The following MARCHF1 variants were observed in gnomAD, a reference collection of about 807,000 sequenced individuals.
MARCHF1 encodes E3 ubiquitin-protein ligase MARCHF1.
A neutral mutation model predicts 54.2 loss-of-function variants in MARCHF1; 40 were observed. The ratio of observed to expected loss-of-function variants is 0.74; its 90% CI spans 0.57 to 0.96. The LOEUF (loss-of-function observed/expected upper bound fraction) is 0.96, where lower values mean the gene tolerates loss of function less well. MARCHF1 is among the 40% of genes least tolerant of loss of function. MARCHF1 has a pLI of 0.00. For synonymous variants in MARCHF1, 236 were observed against 236.3 expected (o/e 1.00, Z 0.01); for missense variants, 586 against 656.5 (o/e 0.89, Z 1.17).
intron 1 of MARCHF1, among the ~76,000 whole-genome samples, chr4:164,301,734 A>G (rs1734566487): frequency 6.6e-6 from 1 of 152,352 alleles, no homozygotes; most frequent in African/African-American, 2.4e-5. Context: ...AAGAATGTCA[A>G]TGGTTCATAT....
intron 1 of MARCHF1, among the ~76,000 whole-genome samples, chr4:164,299,934 T>C (rs1176426784): frequency 6.6e-6 from 1 of 152,190 alleles, no homozygotes; most frequent in South Asian, 2.1e-4. Context: ...ATATTTCAAT[T>C]TGTGGTAGAA....
intron 2 of MARCHF1, among the ~76,000 whole-genome samples, chr4:164,109,882 T>C (rs1755794328): frequency 8.7e-6 from 1 of 114,420 alleles, no homozygotes. Flanking sequence ...TGACAAACCT[T>C]CACACATACC....
chr4:163,607,146 T>C (rs997585411), intron 7 of MARCHF1, among the ~76,000 whole-genome samples: 9 of 152,132 alleles, frequency 5.9e-5, no homozygotes, highest in Non-Finnish European at 1.3e-4. Flanking sequence ...CTGTATACTT[T>C]GTTTTACTGT....
At chr4:163,802,303 T>A (rs1748104079) in intron 4 of MARCHF1, among the ~76,000 whole-genome samples, 1 of 152,160 alleles carries the variant, frequency 6.6e-6, no homozygotes, top group African/African-American at 2.4e-5. Flanking sequence ...TGGGCCTATA[T>A]ATTTTTTCAC....
chr4:164,112,897 GT>G (rs1318801052), intron 1 of MARCHF1, among the ~76,000 whole-genome samples: 2 of 147,758 alleles, frequency 1.4e-5, no homozygotes, highest in Non-Finnish European at 3.0e-5. Context: ...CACTTTCGCT[GT>G]TTTTTAATAA....
At chr4:164,125,327 T>A (rs1202538494) in intron 1 of MARCHF1, among the ~76,000 whole-genome samples, 1 of 152,138 alleles carries the variant, frequency 6.6e-6, no homozygotes, top group African/African-American at 2.4e-5. Flanking sequence ...AATGAATAAA[T>A]ACTTAACATA....
intron 3 of MARCHF1, among the ~76,000 whole-genome samples, chr4:163,859,365 C>CTT (rs34227596): frequency 1.6e-4 from 21 of 130,178 alleles, no homozygotes; most frequent in African/African-American, 3.4e-4. Context: ...GAGAGAAAAG[C>CTT]TTTTTTTTTT....
chr4:163,942,588 C>T (rs1751934670), intron 3 of MARCHF1, among the ~76,000 whole-genome samples: 1 of 152,106 alleles, frequency 6.6e-6, no homozygotes. Flanking sequence ...TGCCTAATTT[C>T]CATATATAAT....
At chr4:164,160,600 T>C (rs763079623) in intron 1 of MARCHF1, among the ~76,000 whole-genome samples, 1 of 152,192 alleles carries the variant, frequency 6.6e-6, no homozygotes, top group Non-Finnish European at 1.5e-5. Context: ...AAAATATCCA[T>C]TATCAGAAAA....
intron 5 of MARCHF1, among the ~76,000 whole-genome samples, chr4:163,625,111 T>A (rs1225470563): frequency 6.6e-6 from 1 of 152,254 alleles, no homozygotes; most frequent in African/African-American, 2.4e-5. Context: ...TAGCTCATTT[T>A]ATATTCCCAA....
At chr4:164,279,271 G>A (rs552732247) in intron 1 of MARCHF1, among the ~76,000 whole-genome samples, 31 of 151,516 alleles carry the variant, frequency 2.0e-4, no homozygotes, top group African/African-American at 7.2e-4. Flanking sequence ...CAGATTATAT[G>A]GAGGATTTTT....
chr4:163,701,592 T>C (rs1744810683), intron 4 of MARCHF1, among the ~76,000 whole-genome samples: 1 of 152,160 alleles, frequency 6.6e-6, no homozygotes, highest in Non-Finnish European at 1.5e-5. Context: ...AGACATTGTG[T>C]TCCTGAAAAT....
intron 3 of MARCHF1, among the ~76,000 whole-genome samples, chr4:163,921,757 GTGT>G (rs1751435444): frequency 6.6e-6 from 1 of 152,192 alleles, no homozygotes; most frequent in South Asian, 2.1e-4. Flanking sequence ...GGATGAAAAA[GTGT>G]TGTTTCTTTT....
At chr4:163,892,104 C>T (rs1025005027) in intron 3 of MARCHF1, among the ~76,000 whole-genome samples, 3 of 151,932 alleles carry the variant, frequency 2.0e-5, no homozygotes, top group African/African-American at 7.3e-5. Context: ...ATAATTATGT[C>T]CAAATAGCTT....
At chr4:164,119,274 A>T (rs1756012193) in intron 1 of MARCHF1, among the ~76,000 whole-genome samples, 1 of 151,664 alleles carries the variant, frequency 6.6e-6, no homozygotes, top group African/African-American at 2.4e-5. Flanking sequence ...TGAAGGGATA[A>T]TTAAAATCAA....
rs370723087 is a variant in MARCHF1 at position 164,342,126 on chromosome 4, G to A, written c.-323+41744C>T. Among the ~76,000 whole-genome samples, 4 of 152,144 alleles carry A rather than the reference G, an allele frequency of 2.6e-5. No individual in the cohort carries two copies. In the East Asian group the frequency reaches 7.7e-4, roughly 29 times the overall value. ...CAAAGCAAAAAAAGACATATAACCA[G>A]ATCAGAAAATGGACAAAAGACGAGA... On this transcript the variant is annotated intron_variant, in intron 1 of 9. Transcript: ENST00000514618.
chr4:164,272,460 A>G (rs1171673609), intron 1 of MARCHF1, among the ~76,000 whole-genome samples: 2 of 152,160 alleles, frequency 1.3e-5, no homozygotes, highest in Non-Finnish European at 2.9e-5. Flanking sequence ...TACTGTACAT[A>G]TGAATGTAAG....
intron 5 of MARCHF1, among the ~76,000 whole-genome samples, chr4:163,653,950 G>C (rs924627721): frequency 1.3e-4 from 20 of 151,728 alleles, no homozygotes; most frequent in Non-Finnish European, 2.8e-4. Flanking sequence ...ATTGAGTATA[G>C]ATAGGAAAGA....
At chr4:164,137,375 T>C (rs57499625) in intron 1 of MARCHF1, among the ~76,000 whole-genome samples, 3,338 of 152,272 alleles carry the variant, frequency 0.022, 134 homozygotes, top group African/African-American at 0.076. Flanking sequence ...ATAATATATT[T>C]CTATGATAGT....
Sources: allele counts gnomAD v4.1 joint callset (sites outside exome capture counted in the v4.1 genomes callset), GRCh38; gene constraint gnomAD v4.1.1; transcripts MANE v1.5; gene names NCBI Gene and HGNC (gene_info 2026-07-23, HGNC 2026-07-21).